The following TTLL12 variants were observed in gnomAD, a reference collection of about 807,000 sequenced individuals.
TTLL12 encodes tubulin--tyrosine ligase-like protein 12.
Under a neutral mutation model 79.6 loss-of-function variants are expected in TTLL12, and 77 were observed. The ratio of observed to expected loss-of-function variants is 0.97; its 90% CI spans 0.81 to 1.17. The LOEUF is 1.17. Among genes scored for constraint, TTLL12 ranks in the 50% most tolerant of loss-of-function variants. TTLL12 has a pLI of 0.00. For missense variants in TTLL12, 969 were observed against 895.9 expected, an observed-to-expected ratio of 1.08 and a Z score of -1.04; for synonymous variants, 437 against 376.1, an observed-to-expected ratio of 1.16 and a Z score of -1.87.
intron 2 of TTLL12, 147 bp downstream of exon 2, chr22:43,182,833 A>ACACACCGCTGGC (rs763872381): frequency 2.3e-4 from 256 of 1,125,534 alleles, no homozygotes; most frequent in Non-Finnish European, 3.0e-4. Flanking sequence ...GCCCTGATGG[A>ACACACCGCTGGC]CACACCGCTG....
chr22:43,186,757 A>C (rs1932194784), intron 1 of TTLL12, 136 bp downstream of exon 1: 4 of 894,160 alleles, frequency 4.5e-6, no homozygotes, highest in South Asian at 5.5e-5. Context: ...ACGCCGCTCC[A>C]GAGCTGCCCA....
Position 43,186,943 on chromosome 22 carries a change from C to G in TTLL12, c.127G>C (p.Gly43Arg). 1.5e-6 allele frequency: 2 copies of G among 1,367,248 alleles called. No homozygotes were observed. Among genetic ancestry groups the G allele is most frequent in the South Asian group, 1.6e-5 (1 of 63,568 alleles). 84.7% of individuals were successfully genotyped at this position (1,367,248 alleles called of 1,614,324 possible). A position where few individuals can be genotyped will look rare whatever the true frequency, so the allele number is the denominator to read the frequency against. ...CGGCCCCAGTAACGTTCGGGGACCC[C>G]CGAAGCGCGCAGCGCCGGGCCGTGC... ...ALHGPALRAS[G>R]VPERYWGRLL... Residue 43 changes from glycine (G) to arginine (R), a missense_variant, in exon 1 of 14, where the codon GGG (glycine) becomes CGG (arginine). By Grantham distance (125) the Gly-to-Arg change is moderately radical. Coordinates refer to ENST00000216129, the MANE Select transcript of TTLL12 (RefSeq NM_015140.4).
At position 43,174,082 on chromosome 22, in the gene TTLL12, CG is replaced by C. The variant is rs1436569803; in HGVS notation, c.1229+126del. The C allele has an allele frequency of 5.4e-6, 7 of 1,301,516 alleles. No individual in the cohort carries two copies. In the African/African-American group the frequency reaches 1.0e-4, roughly 19 times the overall value. 80.6% of individuals were successfully genotyped at this position (1,301,516 alleles called of 1,614,324 possible). On this transcript the variant is annotated intron_variant, in intron 8 of 13. Coordinates refer to ENST00000216129, the MANE Select transcript of TTLL12 (RefSeq NM_015140.4). ...GGTCCGTGAAGACGGCCGTGACGTT[CG>C]GGGCCCACAGCTCGGCTCCTGCACC...
intron 3 of TTLL12, among the ~76,000 whole-genome samples, chr22:43,180,363 C>A (rs1242785797): frequency 1.3e-5 from 2 of 152,146 alleles, no homozygotes; most frequent in Non-Finnish European, 2.9e-5. Flanking sequence ...AAGCTAAAAT[C>A]ATGAGAAACA....
At chr22:43,180,560 G>A (rs959342032) in intron 3 of TTLL12, among the ~76,000 whole-genome samples, 182 bp downstream of exon 3, 9 of 152,144 alleles carry the variant, frequency 5.9e-5, no homozygotes, top group African/African-American at 1.9e-4. Context: ...AGAGGGCTGC[G>A]TCCTGTGAGC....
chr22:43,180,960 T>C lies in TTLL12; in HGVS notation c.348-20A>G, dbSNP rs987753451. On this transcript the variant is annotated intron_variant, in intron 2 of 13. Coordinates refer to ENST00000216129, the MANE Select transcript of TTLL12 (RefSeq NM_015140.4). Reference sequence around the variant, plus strand: ...AAGATGCTGCGGGCACAGGCCACAATGTGAGGCTGCCGGGTGGGCATGGGG... The same window carrying C: ...AAGATGCTGCGGGCACAGGCCACAACGTGAGGCTGCCGGGTGGGCATGGGG... The C allele has an allele frequency of 1.7e-5, 27 of 1,603,134 alleles. No individual in the cohort carries two copies. The highest frequency in any genetic ancestry group is 2.2e-5 in the Non-Finnish European group (26 of 1,174,336).
chr22:43,186,933 T>C lies in TTLL12; in HGVS notation c.137A>G (p.Glu46Gly). Residue 46 changes from glutamate to glycine, a missense_variant, in exon 1 of 14, where the codon GAA becomes GGA. Glu to Gly is a moderately conservative substitution (Grantham distance 98). Coordinates refer to ENST00000216129, the MANE Select transcript of TTLL12 (RefSeq NM_015140.4). ...GPALRASGVP[E>G]RYWGRLLHKL... is the part of the protein sequence containing the mutation. Reference sequence around the variant, plus strand: ...GTGCAGGAGGCGGCCCCAGTAACGTTCGGGGACCCCCGAAGCGCGCAGCGC... The same window carrying C: ...GTGCAGGAGGCGGCCCCAGTAACGTCCGGGGACCCCCGAAGCGCGCAGCGC... The C allele has an allele frequency of 7.3e-7, 1 of 1,364,024 alleles. No homozygotes were observed. The highest frequency in any genetic ancestry group is 3.2e-5 in the Admixed American group (1 of 31,424). The allele number at this position is 1,364,024 out of a possible 1,614,324, so 84.5% of individuals were successfully genotyped here.
In TTLL12 at chr22:43,186,440, G is replaced by A. The variant is rs555825522; in HGVS notation, c.177+453C>T. Among the ~76,000 whole-genome samples the A allele has an allele frequency of 4.6e-5, 7 of 152,298 alleles. No homozygotes were observed. In the East Asian group the frequency reaches 1.2e-3, roughly 25 times the overall value. On this transcript the variant is annotated intron_variant, in intron 1 of 13. Coordinates refer to ENST00000216129, the MANE Select transcript of TTLL12 (RefSeq NM_015140.4). ...AACCTGCAAGATGAGGGGACCCCGAGGCTCAAATCAAATGAAAAAACACCG... is the reference window on the plus strand; with the variant it reads ...AACCTGCAAGATGAGGGGACCCCGAAGCTCAAATCAAATGAAAAAACACCG...
At chr22:43,176,254 C>A in intron 6 of TTLL12, 66 bp downstream of exon 6, 1 of 1,238,584 alleles carries the variant, frequency 8.1e-7, no homozygotes, top group African/African-American at 1.5e-5. Flanking sequence ...CTGTGGGAAC[C>A]ACGAAGCATG....
intron 9 of TTLL12, among the ~76,000 whole-genome samples, chr22:43,173,067 A>C (rs1931806528): frequency 6.6e-6 from 1 of 152,072 alleles, no homozygotes; most frequent in African/African-American, 2.4e-5. Context: ...ATCCACCCCC[A>C]TCCCATGGCC....
At position 43,166,715 on chromosome 22, in the gene TTLL12, C is replaced by T. The variant is rs895560145; in HGVS notation, c.*1293G>A. On this transcript the variant is annotated 3_prime_UTR_variant, in exon 14 of 14. Coordinates refer to ENST00000216129, the MANE Select transcript of TTLL12 (RefSeq NM_015140.4). Reference sequence around the variant, plus strand: ...GCCAAAGGCGACGGGCCCGCCCTGCCCCTGCAACAGGCCCTCCAGGGGCTA... The same window carrying T: ...GCCAAAGGCGACGGGCCCGCCCTGCTCCTGCAACAGGCCCTCCAGGGGCTA... 12 of 153,146 alleles carry T rather than the reference C, an allele frequency of 7.8e-5. No homozygotes were observed. Among genetic ancestry groups the T allele is most frequent in the African/African-American group, 2.7e-4 (11 of 41,470 alleles). The allele number at this position is 153,146 out of a possible 1,614,324, so 9.5% of individuals were successfully genotyped here. A position where few individuals can be genotyped will look rare whatever the true frequency, so the allele number is the denominator to read the frequency against.
intron 3 of TTLL12, 62 bp downstream of exon 3, chr22:43,180,671 ATGGCACAGG>A: frequency 6.5e-7 from 1 of 1,537,974 alleles, no homozygotes; most frequent in East Asian, 2.3e-5. Context: ...ACCCGGCCTG[ATGGCACAGG>A]GCAGCGGAGG....
chr22:43,171,890 GTGCA>G lies in TTLL12; in HGVS notation c.1500_1503del (p.Ala501SerfsTer14). 6.2e-7 allele frequency: 1 copy of G among 1,614,138 alleles called. No individual in the cohort carries two copies. On this transcript the variant is annotated frameshift_variant, in exon 11 of 14. Coordinates refer to ENST00000216129, the MANE Select transcript of TTLL12 (RefSeq NM_015140.4). LOFTEE classifies it high-confidence loss of function. ...TTCTCGTAGTCATCCAGGTCGTTGA[GTGCA>G]AAGGCCCTGGAAGACAAGTGTGCAG... is the stretch of plus-strand genomic sequence containing the variant.
chr22:43,169,090 C>T lies in TTLL12; in HGVS notation c.1645-178G>A, dbSNP rs576950791. Among the ~76,000 whole-genome samples the T allele has an allele frequency of 1.4e-4, 22 of 152,340 alleles. 1 individual carries two copies. The highest frequency in any genetic ancestry group is 1.0e-3 in the South Asian group (5 of 4,826). ...CCAGCACCTGCCCTCTTACTCCTGA[C>T]GCCCACCTTCTGCAAATCTGCCCAT... On this transcript the variant is annotated intron_variant, in intron 12 of 13. Coordinates refer to ENST00000216129, the MANE Select transcript of TTLL12 (RefSeq NM_015140.4).
At chr22:43,175,886 C>A (rs911257658) in intron 6 of TTLL12, among the ~76,000 whole-genome samples, 1 of 146,948 alleles carries the variant, frequency 6.8e-6, no homozygotes, top group South Asian at 2.2e-4. Flanking sequence ...CGGGCTTTCA[C>A]CATGCTGGCC....
At chr22:43,174,953 G>A (rs1333410842) in intron 6 of TTLL12, among the ~76,000 whole-genome samples, 1 of 152,268 alleles carries the variant, frequency 6.6e-6, no homozygotes, top group Non-Finnish European at 1.5e-5. Flanking sequence ...ACAAGAGGAT[G>A]AGGCTGGGGC....
chr22:43,183,315 C>G (rs751742234), intron 1 of TTLL12, among the ~76,000 whole-genome samples, 166 bp from the exon 2 acceptor site: 2 of 152,128 alleles, frequency 1.3e-5, no homozygotes, highest in South Asian at 2.1e-4. Context: ...GTCTTACGGG[C>G]GGGGAGACTG....
At chr22:43,170,205 C>T in intron 11 of TTLL12, 3 of 341,626 alleles carry the variant, frequency 8.8e-6, no homozygotes, top group Non-Finnish European at 1.7e-5. Context: ...CCCGGGATGA[C>T]CCCCACAGTA....
In TTLL12 at chr22:43,183,087, G is replaced by A. The variant is rs551542930; in HGVS notation, c.240C>T (p.Asp80=). The A allele has an allele frequency of 6.8e-6, 11 of 1,613,818 alleles. No individual in the cohort carries two copies. Among genetic ancestry groups the A allele is most frequent in the Admixed American group, 3.3e-5 (2 of 59,986 alleles). The change falls in exon 2 of 14, where the codon GAC becomes GAT. Residue 80 remains aspartate, a synonymous_variant. Transcript: ENST00000216129. ...GCTTCCGCACCTCCCGGGCTGCCTC[G>A]TCCTCCTCCTCTTCTACCTCCTCCA... The part of the protein sequence containing the change: ...MQVEEVEEEE[D]EAAREVRKQQ...
Sources: gnomAD v4.1 joint callset for allele counts (sites outside exome capture counted in the v4.1 genomes callset) on GRCh38, gnomAD v4.1.1 for gene constraint, MANE v1.5 for transcripts, NCBI Gene and HGNC (gene_info 2026-07-23, HGNC 2026-07-21) for gene names.